The following INTS6L variants were observed in gnomAD, a reference collection of about 807,000 sequenced individuals.
INTS6L encodes the protein integrator complex subunit 6 like, also known as integrator complex subunit 6-like.
INTS6L carries 18 observed loss-of-function variants against 64.7 expected under a neutral mutation model. The observed-to-expected ratio is 0.28, with a 90% CI of 0.19 to 0.41. The LOEUF (loss-of-function observed/expected upper bound fraction) is 0.41, where lower values mean the gene tolerates loss of function less well. Ranked by LOEUF, INTS6L falls within the 10% of genes least tolerant of loss-of-function variation. The pLI is 1.00. For synonymous variants in INTS6L, 227 were observed against 235.9 expected, an observed-to-expected ratio of 0.96 and a Z score of 0.34; for missense variants, 533 against 661.0, an observed-to-expected ratio of 0.81 and a Z score of 2.12.
chrX:135,552,036 G>A lies in INTS6L; in HGVS notation c.949G>A (p.Asp317Asn). The A allele has an allele frequency of 8.3e-7, 1 of 1,207,019 alleles. No homozygotes were observed. The highest frequency in any genetic ancestry group is 1.1e-6 in the Non-Finnish European group (1 of 893,893). The change falls in exon 8 of 18, where the codon GAT (aspartate) becomes AAT (asparagine). Residue 317 changes from aspartate to asparagine, a missense_variant. Coordinates refer to ENST00000639893, the MANE Select transcript of INTS6L (RefSeq NM_001351601.3). ...TCCTGTTGTGAGGTTCTCCTGTGTA[G>A]ATTGTGAGCCAATGGTAATAGACAA... ...SHPVVRFSCV[D>N]CEPMVIDKLP...
chrX:135,521,721 C>G (rs1556497159), intron 2 of INTS6L, among the ~76,000 whole-genome samples: 1 of 94,775 alleles, frequency 1.1e-5, no homozygotes. Flanking sequence ...GCGAGGCGGG[C>G]CCGCCCCTTC....
chrX:135,550,504 C>G (rs1270520967), intron 7 of INTS6L, among the ~76,000 whole-genome samples: 1 of 101,174 alleles, frequency 9.9e-6, no homozygotes, highest in Non-Finnish European at 2.0e-5. Context: ...TCTCTTTTGT[C>G]TTCTTTCCCC....
At chrX:135,535,238 C>T (rs782770917) in intron 2 of INTS6L, among the ~76,000 whole-genome samples, 3 of 111,609 alleles carry the variant, frequency 2.7e-5, no homozygotes, top group Non-Finnish European at 5.6e-5. Context: ...TTAGTGTGTA[C>T]TTTATAATTG....
chrX:135,558,783 TTTTC>T (rs2086706476), intron 9 of INTS6L, among the ~76,000 whole-genome samples: 1 of 107,562 alleles, frequency 9.3e-6, no homozygotes, highest in Non-Finnish European at 1.9e-5. Flanking sequence ...TTCTTTTCTT[TTTTC>T]TTTTTTTTTT....
At chrX:135,578,063 A>G (rs1156851798) in intron 15 of INTS6L, among the ~76,000 whole-genome samples, 1 of 110,103 alleles carries the variant, frequency 9.1e-6, no homozygotes, top group Non-Finnish European at 1.9e-5. Flanking sequence ...TCTAATAGCA[A>G]CTCCCTTTCA....
intron 2 of INTS6L, among the ~76,000 whole-genome samples, chrX:135,537,723 A>C (rs1410768238): frequency 8.9e-6 from 1 of 112,122 alleles, no homozygotes; most frequent in Non-Finnish European, 1.9e-5. Context: ...CTTATAAACT[A>C]ATCTAACAAG....
At chrX:135,537,878 G>C (rs1222506807) in intron 2 of INTS6L, among the ~76,000 whole-genome samples, 1 of 112,108 alleles carries the variant, frequency 8.9e-6, no homozygotes, top group African/African-American at 3.2e-5. Context: ...AGTCTATTAA[G>C]TGTGCAATAG....
At position 135,550,542 on chromosome X, in the gene INTS6L, A is replaced by G. The variant is rs1276667155; in HGVS notation, c.906+737A>G. Reference sequence around the variant, plus strand: ...CCCCAAATTGTAAGAGGGCCTGAGTAATCTCCCTTGTGTGGGCTCAGGAGG... The same window carrying G: ...CCCCAAATTGTAAGAGGGCCTGAGTGATCTCCCTTGTGTGGGCTCAGGAGG... On this transcript the variant is annotated intron_variant, in intron 7 of 17. Transcript: ENST00000639893. Among the ~76,000 whole-genome samples, 13 of 109,522 alleles carry G rather than the reference A, an allele frequency of 1.2e-4. No homozygotes were observed. In the Admixed American group the frequency reaches 1.3e-3, roughly 11 times the overall value.
At chrX:135,530,747 C>A (rs1422881122) in intron 2 of INTS6L, among the ~76,000 whole-genome samples, 2 of 111,755 alleles carry the variant, frequency 1.8e-5, no homozygotes, top group African/African-American at 6.5e-5. Context: ...ATAGCCAGAT[C>A]ATTGGTTTTT....
chrX:135,575,541 C>T (rs915097465), intron 14 of INTS6L, among the ~76,000 whole-genome samples: 30 of 112,231 alleles, frequency 2.7e-4, no homozygotes, highest in Non-Finnish European at 3.8e-4. Flanking sequence ...AGTGGTCAAA[C>T]GCCTTACCTG....
At chrX:135,530,082 GA>G (rs1336473437) in intron 2 of INTS6L, among the ~76,000 whole-genome samples, 1 of 111,985 alleles carries the variant, frequency 8.9e-6, no homozygotes, top group African/African-American at 3.3e-5. Flanking sequence ...TTCTCATTAT[GA>G]TGCATGTCCT....
Position 135,556,200 on chromosome X carries a change from A to T in INTS6L, c.1092A>T (p.Glu364Asp). The T allele has an allele frequency of 1.7e-6, 2 of 1,199,528 alleles. No individual in the cohort carries two copies. The highest frequency in any genetic ancestry group is 2.2e-6 in the Non-Finnish European group (2 of 890,467). ...VFVTSSGKYN[E>D]LGYPFGYLKA... ...TTACTAGCAGTGGAAAGTACAATGA[A>T]CTTGGATATCCATTTGGTTATTTAA... Residue 364 changes from glutamate (E) to aspartate (D), a missense_variant, in exon 9 of 18, where the codon GAA becomes GAT. Glu to Asp is a conservative substitution (Grantham distance 45). Coordinates refer to ENST00000639893, the MANE Select transcript of INTS6L (RefSeq NM_001351601.3).
At chrX:135,521,718 G>C (rs1556497136) in intron 2 of INTS6L, among the ~76,000 whole-genome samples, 1 of 98,620 alleles carries the variant, frequency 1.0e-5, no homozygotes, top group African/African-American at 3.7e-5. Context: ...GCTGCGAGGC[G>C]GGCCCGCCCC....
intron 2 of INTS6L, among the ~76,000 whole-genome samples, chrX:135,536,967 G>A (rs1556508951): frequency 1.8e-5 from 2 of 111,909 alleles, no homozygotes; most frequent in African/African-American, 6.5e-5. Context: ...TCTGTTGTAG[G>A]GGTGGAACCT....
chrX:135,575,404 G>C (rs1366649476), intron 14 of INTS6L, among the ~76,000 whole-genome samples, 178 bp downstream of exon 14: 1 of 112,276 alleles, frequency 8.9e-6, no homozygotes, highest in Non-Finnish European at 1.9e-5. Context: ...GTTGAATAAA[G>C]TCAGAGCTGC....
Position 135,575,204 on chromosome X carries a change from A to G in INTS6L, c.1862A>G (p.Asn621Ser), listed in dbSNP as rs2087192090. The G allele has an allele frequency of 8.3e-7, 1 of 1,210,818 alleles. No homozygotes were observed. Among genetic ancestry groups the G allele is most frequent in the Non-Finnish European group, 1.1e-6 (1 of 895,154 alleles). The change falls in exon 14 of 18, where the codon AAT (asparagine) becomes AGT (serine). Residue 621 changes from asparagine to serine, a missense_variant. Asn to Ser is a conservative substitution (Grantham distance 46, BLOSUM62 1). Transcript: ENST00000639893. ...CCCAAAAGACTGCATACTTTTGGCA[A>G]TCCGTTTAAACAAGATAAGAAGGTA... ...DQPKRLHTFG[N>S]PFKQDKKGMM... is the part of the protein sequence containing the mutation.
intron 9 of INTS6L, among the ~76,000 whole-genome samples, chrX:135,568,402 C>T (rs1375414591): frequency 2.7e-5 from 3 of 110,211 alleles, no homozygotes; most frequent in African/African-American, 9.9e-5. Context: ...AGTGCTTTTA[C>T]TATCACCCAA....
rs1221080750 is a variant in INTS6L at position 135,541,131 on chromosome X, TC to T, written c.190-4290del. ...TACAGCTTCACTTTCCTGCAGGCTG[TC>T]CTGTATGTCACTATCAGACTGATTT... On this transcript the variant is annotated intron_variant, in intron 2 of 17. Coordinates refer to ENST00000639893, the MANE Select transcript of INTS6L (RefSeq NM_001351601.3). Among the ~76,000 whole-genome samples the T allele has an allele frequency of 8.1e-5, 9 of 111,371 alleles. No homozygotes were observed. The East Asian group carries it at 2.5e-3, about 31-fold the overall frequency.
Position 135,520,692 on chromosome X carries a change from G to A in INTS6L, c.-301G>A, listed in dbSNP as rs924502988. The A allele has an allele frequency of 3.2e-6, 1 of 312,620 alleles. No homozygotes were observed. Among genetic ancestry groups the A allele is most frequent in the East Asian group, 5.3e-5 (1 of 18,954 alleles). 25.8% of individuals were successfully genotyped at this position (312,620 alleles called of 1,213,427 possible). ...GGCGAGCGCTCTAGTGAGCGCGGACGGATGCTTAGGCAGTAGTCCTGGCAG... is the reference window on the plus strand; with the variant it reads ...GGCGAGCGCTCTAGTGAGCGCGGACAGATGCTTAGGCAGTAGTCCTGGCAG... On this transcript the variant is annotated 5_prime_UTR_variant, in exon 1 of 18. Transcript: ENST00000639893.
Sources: allele counts gnomAD v4.1 joint callset (sites outside exome capture counted in the v4.1 genomes callset), GRCh38; gene constraint gnomAD v4.1.1; transcripts MANE v1.5; gene names NCBI Gene and HGNC (gene_info 2026-07-23, HGNC 2026-07-21).